The following INPP5A variants were observed in gnomAD, a reference collection of about 807,000 sequenced individuals.
The protein encoded by INPP5A is inositol polyphosphate-5-phosphatase A.
In INPP5A, 14 loss-of-function variants were observed where a neutral mutation model predicts 65.2. The ratio of observed to expected loss-of-function variants is 0.21; its 90% CI spans 0.14 to 0.34. The LOEUF is 0.34. Ranked by LOEUF, INPP5A falls within the 10% of genes least tolerant of loss-of-function variation. The pLI is 1.00. For synonymous variants in INPP5A, 207 were observed against 208.3 expected (o/e 0.99, Z 0.05); for missense variants, 431 against 545.6 (o/e 0.79, Z 2.09).
At chr10:132,617,272 C>G (rs971466466) in intron 2 of INPP5A, among the ~76,000 whole-genome samples, 4 of 152,204 alleles carry the variant, frequency 2.6e-5, no homozygotes, top group African/African-American at 9.6e-5. Context: ...CAGTCCCCGC[C>G]CTTCAGAGCT....
intron 10 of INPP5A, 72 bp downstream of exon 10, chr10:132,749,684 G>A (rs766929246): frequency 2.8e-5 from 44 of 1,594,650 alleles, no homozygotes; most frequent in Admixed American, 1.8e-4. Context: ...CTTCAGAGCC[G>A]CCCTGCCTGC....
rs140193152 is a variant in INPP5A, at chr10:132,565,719, T to TTG, written c.75+27569_75+27570dup. The stretch of plus-strand genomic sequence containing the variant: ...TGTGTATGTGAATGTGTGCCTGAGT[T>TTG]TGTGTGTGTGTGTGTGTGTGTGCGC... On this transcript the variant is annotated intron_variant, in intron 1 of 15. Transcript: ENST00000368594. Among the ~76,000 whole-genome samples the TTG allele has an allele frequency of 6.4e-3, 943 of 146,236 alleles. 4 individuals carry two copies. Among genetic ancestry groups the TTG allele is most frequent in the South Asian group, 0.017 (76 of 4,560 alleles).
intron 9 of INPP5A, among the ~76,000 whole-genome samples, chr10:132,747,981 T>C (rs533281926): frequency 6.6e-6 from 1 of 152,040 alleles, no homozygotes; most frequent in South Asian, 2.1e-4. Context: ...GCCCAGGAGG[T>C]CAAGGTTAAA....
intron 2 of INPP5A, among the ~76,000 whole-genome samples, chr10:132,639,759 T>G (rs1416307331): frequency 6.6e-6 from 1 of 152,242 alleles, no homozygotes; most frequent in Non-Finnish European, 1.5e-5. Flanking sequence ...TGCTGGCTTT[T>G]GCTGAACCTT....
intron 14 of INPP5A, 60 bp downstream of exon 14, chr10:132,780,977 GGGGGCT>G: frequency 7.8e-7 from 1 of 1,284,844 alleles, no homozygotes; most frequent in Non-Finnish European, 1.1e-6. Flanking sequence ...TAGGGGGCCG[GGGGGCT>G]GGGGCCAGTG....
chr10:132,631,994 G>A (rs2072281506), intron 2 of INPP5A, among the ~76,000 whole-genome samples: 2 of 152,240 alleles, frequency 1.3e-5, no homozygotes, highest in South Asian at 4.1e-4. Flanking sequence ...CTCAGGGCGT[G>A]AAGTGCTGAG....
At chr10:132,700,622 TC>T (rs1845421616) in intron 6 of INPP5A, among the ~76,000 whole-genome samples, 1 of 151,702 alleles carries the variant, frequency 6.6e-6, no homozygotes, top group Non-Finnish European at 1.5e-5. Flanking sequence ...GCCATGGGAG[TC>T]CCGGCCTGGC....
At position 132,686,497 on chromosome 10, in the gene INPP5A, C is replaced by T. The variant is rs2073115036; in HGVS notation, c.307-3895C>T. Among the ~76,000 whole-genome samples, 3 of 152,340 alleles carry T rather than the reference C, an allele frequency of 2.0e-5. No homozygotes were observed. In the South Asian group the frequency reaches 6.2e-4, roughly 32 times the overall value. On this transcript the variant is annotated intron_variant, in intron 4 of 15. Coordinates refer to ENST00000368594, the MANE Select transcript of INPP5A (RefSeq NM_005539.5). ...TTCCTGTCGGCAGGCCCCGGACACG[C>T]TCCTGGCCCAATGTCCTGGTGTCTG...
chr10:132,700,307 C>G (rs1229075546), intron 6 of INPP5A, among the ~76,000 whole-genome samples: 1 of 152,236 alleles, frequency 6.6e-6, no homozygotes, highest in Admixed American at 6.5e-5. Context: ...TCAGCAGATC[C>G]TTGTGGCTGC....
chr10:132,543,271 T>G (rs1398677591), intron 1 of INPP5A, among the ~76,000 whole-genome samples: 1 of 152,136 alleles, frequency 6.6e-6, no homozygotes, highest in Non-Finnish European at 1.5e-5. Context: ...TGCAGTCAGT[T>G]TTCCTCTCTG....
At chr10:132,648,265 C>T (rs1231929909) in intron 3 of INPP5A, among the ~76,000 whole-genome samples, 2 of 152,266 alleles carry the variant, frequency 1.3e-5, no homozygotes, top group Non-Finnish European at 2.9e-5. Flanking sequence ...CGGACGGGAA[C>T]GATGCCGCCG....
At chr10:132,606,382 G>GTCCTCAGTGGCGGGACA (rs1371739103) in intron 1 of INPP5A, among the ~76,000 whole-genome samples, 1 of 152,142 alleles carries the variant, frequency 6.6e-6, no homozygotes, top group South Asian at 2.1e-4. Flanking sequence ...CTCCTGCTGG[G>GTCCTCAGTGGCGGGACA]GCGGTTGCGT....
chr10:132,767,939 G>A (rs60027062), intron 12 of INPP5A, among the ~76,000 whole-genome samples: 35 of 139,780 alleles, frequency 2.5e-4, no homozygotes, highest in African/African-American at 3.3e-4. Flanking sequence ...GTGCCCACGC[G>A]CCCAGTGGCA....
Position 132,647,081 on chromosome 10 carries a change from C to G in INPP5A, c.218+1113C>G, listed in dbSNP as rs143735061. On this transcript the variant is annotated intron_variant, in intron 3 of 15. Transcript: ENST00000368594. ...GCTAAAAAAAACTGCCACAACTTCC[C>G]AAAATAATCTGTAATTTAAGGCATT... is the stretch of plus-strand genomic sequence containing the variant. 9.3e-4 allele frequency among the ~76,000 whole-genome samples: 141 copies of G among 152,096 alleles called. 2 individuals are homozygous for G. The East Asian group carries it at 0.025, about 26-fold the overall frequency.
At chr10:132,726,934 T>G (rs1590961243) in intron 9 of INPP5A, 29 bp downstream of exon 9, 1 of 1,519,550 alleles carries the variant, frequency 6.6e-7, no homozygotes, top group Non-Finnish European at 9.1e-7. Context: ...CCCGCCCTGG[T>G]CTCATGCCTT....
chr10:132,568,030 A>C (rs1476601169), intron 1 of INPP5A, among the ~76,000 whole-genome samples: 1 of 151,990 alleles, frequency 6.6e-6, no homozygotes, highest in Non-Finnish European at 1.5e-5. Flanking sequence ...GTCTCTACTG[A>C]AAATACAAAA....
intron 4 of INPP5A, among the ~76,000 whole-genome samples, chr10:132,688,712 C>T (rs967054532): frequency 1.4e-5 from 2 of 145,718 alleles, no homozygotes; most frequent in African/African-American, 5.4e-5. Context: ...CAAGTGTGAA[C>T]AAGTGCATTG....
At chr10:132,703,762 CCCCCCACACACACACACA>C (rs1845481620) in intron 6 of INPP5A, among the ~76,000 whole-genome samples, 1 of 77,742 alleles carries the variant, frequency 1.3e-5, no homozygotes, top group Non-Finnish European at 2.6e-5. Context: ...CGGCTTCACC[CCCCCCACACACACACACA>C]GCTTCACCCC....
intron 2 of INPP5A, among the ~76,000 whole-genome samples, chr10:132,643,999 A>G (rs1590889544): frequency 6.6e-6 from 1 of 152,240 alleles, no homozygotes; most frequent in African/African-American, 2.4e-5. Context: ...CACCACAACA[A>G]AACCAGAGTT....
Sources: gnomAD v4.1 joint callset for allele counts (sites outside exome capture counted in the v4.1 genomes callset) on GRCh38, gnomAD v4.1.1 for gene constraint, MANE v1.5 for transcripts, NCBI Gene and HGNC (gene_info 2026-07-23, HGNC 2026-07-21) for gene names.